Variants in CACTIN observed in about 807,000 individuals in gnomAD.
The protein encoded by CACTIN is cactin, spliceosome C complex subunit.
A neutral mutation model predicts 84.9 loss-of-function variants in CACTIN; 20 were observed. The ratio of observed to expected loss-of-function variants is 0.24; its 90% CI spans 0.17 to 0.34. CACTIN has a LOEUF of 0.34. Ranked by LOEUF, CACTIN falls within the 10% of genes least tolerant of loss-of-function variation. The pLI is 1.00. For synonymous variants in CACTIN, 549 were observed against 467.9 expected (o/e 1.17, Z -2.24); for missense variants, 897 against 1,117.2 (o/e 0.80, Z 2.81).
chr19:3,618,725 C>T lies in CACTIN; in HGVS notation c.1162+150G>A, dbSNP rs1047698841. ...CCCAGGGCCTACTGCCCGCTGCTGC[C>T]CCCTGGTGGCTCGGCCCAGAAGGGG... On this transcript the variant is annotated intron_variant, in intron 6 of 9. Coordinates refer to ENST00000429344, the MANE Select transcript of CACTIN (RefSeq NM_001080543.2). 6.2e-6 allele frequency: 4 copies of T among 649,020 alleles called. No individual in the cohort carries two copies. In the African/African-American group the frequency reaches 7.3e-5, roughly 12 times the overall value. The allele number at this position is 649,020 out of a possible 1,614,324, so 40.2% of individuals were successfully genotyped here.
chr19:3,611,813 G>T lies in CACTIN; in HGVS notation c.*110C>A. 7.3e-7 allele frequency: 1 copy of T among 1,372,728 alleles called. No homozygotes were observed. The highest frequency in any genetic ancestry group is 1.0e-6 in the Non-Finnish European group (1 of 995,512). The allele number at this position is 1,372,728 out of a possible 1,614,324, so 85.0% of individuals were successfully genotyped here. On this transcript the variant is annotated 3_prime_UTR_variant, in exon 10 of 10. Coordinates refer to ENST00000429344, the MANE Select transcript of CACTIN (RefSeq NM_001080543.2). ...AGAAAGATGCGGCCTGAGGTGGGACGTGAACCCGCGGCCCTGCAGCCCAGA... is the reference window on the plus strand; with the variant it reads ...AGAAAGATGCGGCCTGAGGTGGGACTTGAACCCGCGGCCCTGCAGCCCAGA...
At chr19:3,618,817 G>C (rs954916854) in intron 6 of CACTIN, 58 bp downstream of exon 6, 1 of 1,340,746 alleles carries the variant, frequency 7.5e-7, no homozygotes, top group South Asian at 1.3e-5. Flanking sequence ...TGAGGCTTCT[G>C]GGTGAACACT....
Position 3,618,965 on chromosome 19 carries a change from T to C in CACTIN, c.1072A>G (p.Lys358Glu). The C allele has an allele frequency of 3.2e-6, 5 of 1,556,934 alleles. No individual in the cohort carries two copies. The highest frequency in any genetic ancestry group is 4.3e-6 in the Non-Finnish European group (5 of 1,150,112). The change falls in exon 6 of 10, where the codon AAG becomes GAG. Residue 358 changes from lysine to glutamate, a missense_variant. Lys to Glu is a moderately conservative substitution (Grantham distance 56). Around this residue, in one of 8 missense-constraint regions of CACTIN, gnomAD observed 304 missense variants for 444.3 expected, o/e 0.68. Coordinates refer to ENST00000429344, the MANE Select transcript of CACTIN (RefSeq NM_001080543.2). ...ATGTCCCGCCAGAAGTCGGCGTTCT[T>C]GCCCTGCTCCAGCTCCATGTAGACC... ...IQVYMELEQG[K>E]NADFWRDMTT...
chr19:3,614,217 C>T (rs947628467), intron 7 of CACTIN, among the ~76,000 whole-genome samples, 180 bp downstream of exon 7: 9 of 141,808 alleles, frequency 6.3e-5, no homozygotes, highest in Non-Finnish European at 1.1e-4. Context: ...CGGGACTACG[C>T]GCCCCCCGGC....
In CACTIN at chr19:3,620,174, T is replaced by C. The variant is rs1476522429; in HGVS notation, c.837A>G (p.Thr279=). Residue 279 remains threonine (T), a synonymous_variant, in exon 4 of 10, where the codon ACA becomes ACG. Coordinates refer to ENST00000429344, the MANE Select transcript of CACTIN (RefSeq NM_001080543.2). ...QREKEAEHFK[T]WEEQEDNFHL... The stretch of plus-strand genomic sequence containing the variant: ...GGAAGTTGTCCTCCTGCTCCTCCCA[T>C]GTCTTGAAGTGCTCTGCCTCCTTCT... 3.7e-6 allele frequency: 6 copies of C among 1,611,768 alleles called. No homozygotes were observed. Among genetic ancestry groups the C allele is most frequent in the African/African-American group, 2.7e-5 (2 of 74,902 alleles).
chr19:3,625,920 C>A (rs1048578220), intron 1 of CACTIN, among the ~76,000 whole-genome samples: 2 of 152,202 alleles, frequency 1.3e-5, no homozygotes, highest in Non-Finnish European at 2.9e-5. Context: ...TGCCCCATCT[C>A]CAGAAGAAAA....
chr19:3,622,917 C>G (rs552945259), intron 2 of CACTIN, among the ~76,000 whole-genome samples: 1 of 152,124 alleles, frequency 6.6e-6, no homozygotes, highest in Admixed American at 6.5e-5. Context: ...AAGCTTACAC[C>G]GCAAGAGACA....
chr19:3,626,490 C>A, intron 1 of CACTIN, 106 bp downstream of exon 1: 1 of 1,177,982 alleles, frequency 8.5e-7, no homozygotes, highest in Non-Finnish European at 1.1e-6. Flanking sequence ...GGAAGCCCTC[C>A]CCGAGTAAGT....
At chr19:3,621,157 T>A (rs2033216561) in intron 2 of CACTIN, 29 of 395,604 alleles carry the variant, frequency 7.3e-5, no homozygotes, top group South Asian at 5.9e-4. Flanking sequence ...TGACTCGCTT[T>A]ACCCGGGAGT....
chr19:3,622,560 G>A (rs947059081), intron 2 of CACTIN, among the ~76,000 whole-genome samples: 3 of 152,118 alleles, frequency 2.0e-5, no homozygotes, highest in African/African-American at 7.2e-5. Context: ...GGAACAGGCC[G>A]GGTTCTGCGG....
At chr19:3,617,523 G>T (rs2033128389) in intron 6 of CACTIN, among the ~76,000 whole-genome samples, 1 of 152,110 alleles carries the variant, frequency 6.6e-6, no homozygotes, top group South Asian at 2.1e-4. Flanking sequence ...GGCCATGGAA[G>T]GGATGGGAGA....
chr19:3,614,236 G>A (rs373179440), intron 7 of CACTIN, 161 bp downstream of exon 7: 18 of 767,990 alleles, frequency 2.3e-5, no homozygotes, highest in Admixed American at 9.2e-5. Context: ...GCCCCCCTTC[G>A]TCACTCACAG....
Position 3,614,044 on chromosome 19 carries a change from G to GT in CACTIN, c.1355+352dup, listed in dbSNP as rs574285938. 1,078 of 486,404 alleles carry GT rather than the reference G, an allele frequency of 2.2e-3. 1 individual carries two copies. The highest frequency in any genetic ancestry group is 3.7e-3 in the Non-Finnish European group (973 of 265,082). The allele number at this position is 486,404 out of a possible 1,614,324, so 30.1% of individuals were successfully genotyped here. On this transcript the variant is annotated intron_variant, in intron 7 of 9. Coordinates refer to ENST00000429344, the MANE Select transcript of CACTIN (RefSeq NM_001080543.2). ...AGGGCGCAGGCCTGGGCGCAAGGCAGTGGGGACAGGCAGGCCGCCTGGGGG... is the reference window on the plus strand; with the variant it reads ...AGGGCGCAGGCCTGGGCGCAAGGCAGTTGGGGACAGGCAGGCCGCCTGGGGG...
In CACTIN at chr19:3,611,099, C is replaced by T; in HGVS notation, c.*824G>A. 2.6e-6 allele frequency: 1 copy of T among 387,758 alleles called. No individual in the cohort carries two copies. The highest frequency in any genetic ancestry group is 1.9e-5 in the South Asian group (1 of 52,736). The allele number at this position is 387,758 out of a possible 1,614,324, so 24.0% of individuals were successfully genotyped here. On this transcript the variant is annotated 3_prime_UTR_variant, in exon 10 of 10. Transcript: ENST00000429344. The stretch of plus-strand genomic sequence containing the variant: ...TCCCTGGGGGAAGCCCCTCACCCTT[C>T]TCCAACCCCCAGCCTTCGGGGAGCC...
At chr19:3,625,382 G>A (rs1282719431) in intron 1 of CACTIN, among the ~76,000 whole-genome samples, 1 of 152,096 alleles carries the variant, frequency 6.6e-6, no homozygotes, top group East Asian at 1.9e-4. Context: ...GCAAATTATT[G>A]TGAATAATTC....
chr19:3,622,061 G>A (rs2033235987), intron 2 of CACTIN, among the ~76,000 whole-genome samples: 1 of 152,102 alleles, frequency 6.6e-6, no homozygotes, highest in Non-Finnish European at 1.5e-5. Flanking sequence ...CTGTAATCAT[G>A]ACCCCATGTG....
chr19:3,623,954 T>C lies in CACTIN; in HGVS notation c.376A>G (p.Ser126Gly), dbSNP rs762587656. 6.2e-7 allele frequency: 1 copy of C among 1,603,220 alleles called. No homozygotes were observed. Among genetic ancestry groups the C allele is most frequent in the Non-Finnish European group, 8.5e-7 (1 of 1,178,454 alleles). Reference sequence around the variant, plus strand: ...AGGGCAGCCGCGGCCGCCCGGGGGCTCTGGGATCGCCCTGGAGACGCGGAG... The same window carrying C: ...AGGGCAGCCGCGGCCGCCCGGGGGCCCTGGGATCGCCCTGGAGACGCGGAG... ...SSSASPGRSQ[S>G]PRAAAAALSQ... The change falls in exon 2 of 10, where the codon AGC becomes GGC. Residue 126 changes from serine (S) to glycine (G), a missense_variant. Ser to Gly is a moderately conservative substitution (Grantham distance 56, BLOSUM62 0). Around this residue, in one of 8 missense-constraint regions of CACTIN, gnomAD observed 261 missense variants for 243.8 expected, o/e 1.07. Transcript: ENST00000429344.
intron 9 of CACTIN, 93 bp from the exon 10 acceptor site, chr19:3,612,506 TC>T: frequency 6.9e-7 from 1 of 1,451,258 alleles, no homozygotes; most frequent in East Asian, 2.4e-5. Flanking sequence ...CGCTGGTGCC[TC>T]CCGCAAAAGG....
intron 2 of CACTIN, 129 bp from the exon 3 acceptor site, chr19:3,620,931 T>C (rs1270682531): frequency 1.4e-6 from 1 of 733,442 alleles, no homozygotes; most frequent in Admixed American, 2.0e-5. Flanking sequence ...GCACTGCACG[T>C]CTTCCACCCC....
Sources: allele counts gnomAD v4.1 joint callset (sites outside exome capture counted in the v4.1 genomes callset), GRCh38; gene constraint gnomAD v4.1.1; regional missense constraint gnomAD v4.1.1; transcripts MANE v1.5; gene names NCBI Gene and HGNC (gene_info 2026-07-23, HGNC 2026-07-21).